DNAAF11: variants seen among roughly 807,000 people sequenced by gnomAD.
DNAAF11 encodes leucine rich repeat containing 6.
A neutral mutation model predicts 60.8 loss-of-function variants in DNAAF11; 45 were observed. The observed-to-expected ratio is 0.74, with a 90% CI of 0.58 to 0.95. The LOEUF (loss-of-function observed/expected upper bound fraction) is 0.95. Among genes scored for constraint, DNAAF11 ranks in the 40% least tolerant of loss-of-function variants. The pLI, the probability that DNAAF11 is intolerant of heterozygous loss-of-function variation, is 0.00. For synonymous variants in DNAAF11, 191 were observed against 183.5 expected, an observed-to-expected ratio of 1.04 and a Z score of -0.33; for missense variants, 546 against 546.2, an observed-to-expected ratio of 1.00 and a Z score of 0.00.
chr8:132,674,835 C>A (rs926108848), intron 1 of DNAAF11, among the ~76,000 whole-genome samples: 1 of 152,220 alleles, frequency 6.6e-6, no homozygotes, highest in African/African-American at 2.4e-5. Context: ...CTGCAGTGGG[C>A]CGAGATCGCG....
the DNAAF11 span, among the ~76,000 whole-genome samples, chr8:132,696,646 A>T: frequency 6.6e-6 from 1 of 152,204 alleles, no homozygotes; most frequent in Non-Finnish European, 1.5e-5. Context: ...TGCCACATGA[A>T]ATCAGTGACA....
chr8:132,593,279 T>C (rs899140302), intron 10 of DNAAF11, among the ~76,000 whole-genome samples: 3 of 146,746 alleles, frequency 2.0e-5, no homozygotes, highest in Non-Finnish European at 1.5e-5. Context: ...GTGTTTAGTA[T>C]GATAGAAGTT....
chr8:132,604,375 A>G (rs1348210893), intron 10 of DNAAF11, among the ~76,000 whole-genome samples: 3 of 152,186 alleles, frequency 2.0e-5, no homozygotes, highest in African/African-American at 7.2e-5. Flanking sequence ...CTCAGTATAA[A>G]CAGAATTAAG....
chr8:132,577,403 C>T (rs551479252), intron 11 of DNAAF11, among the ~76,000 whole-genome samples: 5 of 152,184 alleles, frequency 3.3e-5, no homozygotes, highest in African/African-American at 4.8e-5. Context: ...TTCTATTACT[C>T]GTAGCCAAAT....
chr8:132,609,227 T>C (rs888096964), intron 10 of DNAAF11, among the ~76,000 whole-genome samples: 1 of 152,044 alleles, frequency 6.6e-6, no homozygotes, highest in African/African-American at 2.4e-5. Context: ...AAAAATGGCA[T>C]AGTATTTGTA....
At chr8:132,663,939 G>A (rs1048271956) in intron 1 of DNAAF11, among the ~76,000 whole-genome samples, 2 of 152,228 alleles carry the variant, frequency 1.3e-5, no homozygotes, top group Admixed American at 1.3e-4. Flanking sequence ...GGGTGTTAGG[G>A]GCCAGGACAG....
chr8:132,686,527 C>T, the DNAAF11 span, among the ~76,000 whole-genome samples: 1 of 152,054 alleles, frequency 6.6e-6, no homozygotes, highest in Non-Finnish European at 1.5e-5. Flanking sequence ...TCCAACACTA[C>T]TGCATTGCGG....
rs146321708 is a variant in DNAAF11 at position 132,637,044 on chromosome 8, C to T, written c.429+891G>A. 2.0e-5 allele frequency among the ~76,000 whole-genome samples: 3 copies of T among 152,282 alleles called. No homozygotes were observed. In the East Asian group the frequency reaches 5.8e-4, roughly 29 times the overall value. Reference sequence around the variant, plus strand: ...TAGAATTACATGAAACGTAACATTGCTATCTTAATATTCTCTGTTGTATGA... The same window carrying T: ...TAGAATTACATGAAACGTAACATTGTTATCTTAATATTCTCTGTTGTATGA... On this transcript the variant is annotated intron_variant, in intron 4 of 11. Transcript: ENST00000620350.
intron 1 of DNAAF11, among the ~76,000 whole-genome samples, chr8:132,662,164 G>A (rs1203630712): frequency 6.6e-6 from 1 of 152,200 alleles, no homozygotes; most frequent in Non-Finnish European, 1.5e-5. Context: ...ATCTTGCACT[G>A]CATTCTTATA....
At chr8:132,642,980 G>A (rs1483621654) in intron 3 of DNAAF11, among the ~76,000 whole-genome samples, 1 of 152,206 alleles carries the variant, frequency 6.6e-6, no homozygotes, top group Non-Finnish European at 1.5e-5. Context: ...GGATGAAACT[G>A]TTTCACCTCA....
chr8:132,603,726 T>C (rs1231103424), intron 10 of DNAAF11, among the ~76,000 whole-genome samples: 4 of 151,810 alleles, frequency 2.6e-5, no homozygotes, highest in African/African-American at 9.7e-5. Flanking sequence ...GGGCGGTAAA[T>C]AGAGGGGGAT....
At chr8:132,639,057 G>C (rs1236982462) in intron 3 of DNAAF11, among the ~76,000 whole-genome samples, 1 of 152,178 alleles carries the variant, frequency 6.6e-6, no homozygotes, top group African/African-American at 2.4e-5. Context: ...AAAGCGCTTA[G>C]CATAATGCTT....
chr8:132,678,521 G>A (rs1057018677), upstream of DNAAF11, among the ~76,000 whole-genome samples: 6 of 152,164 alleles, frequency 3.9e-5, no homozygotes, highest in East Asian at 1.9e-4. Context: ...TTGGGACTAT[G>A]TGTGTGCACC....
chr8:132,702,855 G>A, the DNAAF11 span, among the ~76,000 whole-genome samples: 1 of 152,180 alleles, frequency 6.6e-6, no homozygotes, highest in Admixed American at 6.5e-5. Flanking sequence ...GCTATACTGC[G>A]ATGCTACTCT....
chr8:132,681,768 A>G, the DNAAF11 span, among the ~76,000 whole-genome samples: 6 of 152,222 alleles, frequency 3.9e-5, no homozygotes, highest in African/African-American at 1.4e-4. Flanking sequence ...ACTTCTGCCC[A>G]TCTCCATTAG....
chr8:132,610,119 G>C lies in DNAAF11; in HGVS notation c.1140+47C>G. 6 of 1,375,132 alleles carry C rather than the reference G, an allele frequency of 4.4e-6. 1 individual carries two copies. Among genetic ancestry groups the C allele is most frequent in the Non-Finnish European group, 5.2e-6 (5 of 963,716 alleles). The allele number at this position is 1,375,132 out of a possible 1,614,324, so 85.2% of individuals were successfully genotyped here. ...GTCCTGACAGGTCAAGTTCCTTCAG[G>C]AACCCTCATATCCAGACTTGAAATT... On this transcript the variant is annotated intron_variant, in intron 10 of 11. Coordinates refer to ENST00000620350, the MANE Select transcript of DNAAF11 (RefSeq NM_012472.6).
At chr8:132,667,693 C>T (rs1355810320) in intron 1 of DNAAF11, among the ~76,000 whole-genome samples, 3 of 152,166 alleles carry the variant, frequency 2.0e-5, no homozygotes, top group African/African-American at 7.2e-5. Context: ...TACATACTCC[C>T]CTCACTAAAA....
intron 10 of DNAAF11, among the ~76,000 whole-genome samples, chr8:132,587,520 C>T (rs567438766): frequency 8.5e-5 from 13 of 152,260 alleles, no homozygotes; most frequent in Admixed American, 5.2e-4. Context: ...GTTTTGGAAT[C>T]GTAACATTTG....
At chr8:132,605,787 G>A (rs1818064650) in intron 10 of DNAAF11, among the ~76,000 whole-genome samples, 1 of 152,152 alleles carries the variant, frequency 6.6e-6, no homozygotes, top group African/African-American at 2.4e-5. Flanking sequence ...AGCAAATTAT[G>A]AGGACATCTT....
Sources: gnomAD v4.1 joint callset for allele counts (sites outside exome capture counted in the v4.1 genomes callset) on GRCh38, gnomAD v4.1.1 for gene constraint, MANE v1.5 for transcripts, NCBI Gene and HGNC (gene_info 2026-07-23, HGNC 2026-07-21) for gene names.